PTPRJ: variants seen among roughly 807,000 people sequenced by gnomAD.
PTPRJ encodes protein tyrosine phosphatase receptor type J.
In PTPRJ, 129 loss-of-function variants were observed where a neutral mutation model predicts 141.3. The ratio of observed to expected loss-of-function variants is 0.91; its 90% CI spans 0.79 to 1.06. The LOEUF (loss-of-function observed/expected upper bound fraction) is 1.06. Among genes scored for constraint, PTPRJ ranks in the 50% least tolerant of loss-of-function variants. The probability of loss-of-function intolerance (pLI) is 0.00; values close to 1 mark genes in which losing one functional copy is unlikely to be tolerated. For synonymous variants in PTPRJ, 610 were observed against 640.5 expected (o/e 0.95, Z 0.72); for missense variants, 1,601 against 1,679.7 (o/e 0.95, Z 0.82).
At chr11:48,045,965 C>A (rs574989919) in intron 1 of PTPRJ, among the ~76,000 whole-genome samples, 2 of 152,262 alleles carry the variant, frequency 1.3e-5, no homozygotes, top group South Asian at 4.1e-4. Flanking sequence ...TTTGTGATGT[C>A]ATCTGTGCCT....
intron 1 of PTPRJ, among the ~76,000 whole-genome samples, chr11:48,078,350 G>A (rs1006177163): frequency 1.3e-5 from 2 of 152,166 alleles, no homozygotes; most frequent in Non-Finnish European, 2.9e-5. Flanking sequence ...GAGCCACCGT[G>A]CCCGGCCTGA....
In PTPRJ at chr11:48,128,193, A is replaced by T. The variant is rs371209097; in HGVS notation, c.1357+150A>T. 151 of 1,046,854 alleles carry T rather than the reference A, an allele frequency of 1.4e-4. 1 individual carries two copies. In the South Asian group the frequency reaches 1.5e-3, roughly 11 times the overall value. 64.8% of individuals were successfully genotyped at this position (1,046,854 alleles called of 1,614,324 possible). A position where few individuals can be genotyped will look rare whatever the true frequency, so the allele number is the denominator to read the frequency against. ...TGCTTTCCTTGCACTGGCACATTGT[A>T]TGCTCACAACAGCCCTGTGATGTGG... On this transcript the variant is annotated intron_variant, in intron 7 of 24. Coordinates refer to ENST00000418331, the MANE Select transcript of PTPRJ (RefSeq NM_002843.4).
At chr11:48,101,968 A>G (rs1398670229) in intron 1 of PTPRJ, among the ~76,000 whole-genome samples, 2 of 152,170 alleles carry the variant, frequency 1.3e-5, no homozygotes, top group Non-Finnish European at 2.9e-5. Context: ...TGTGCACATT[A>G]TTCACACCTG....
At chr11:48,152,207 G>A (rs1261775395) in intron 18 of PTPRJ, among the ~76,000 whole-genome samples, 1 of 152,030 alleles carries the variant, frequency 6.6e-6, no homozygotes, top group African/African-American at 2.4e-5. Flanking sequence ...GCGATGATGA[G>A]CATTTTTTCA....
intron 1 of PTPRJ, among the ~76,000 whole-genome samples, chr11:48,018,348 T>G (rs1855004738): frequency 6.6e-6 from 1 of 152,094 alleles, no homozygotes; most frequent in Non-Finnish European, 1.5e-5. Flanking sequence ...TGCTGCTGAA[T>G]GCAGATGAGA....
chr11:48,058,483 G>C (rs573299982), intron 1 of PTPRJ, among the ~76,000 whole-genome samples: 2 of 152,238 alleles, frequency 1.3e-5, no homozygotes, highest in East Asian at 3.9e-4. Context: ...AAAGTGCTAG[G>C]ATTACGGGTG....
chr11:48,130,445 C>G lies in PTPRJ; in HGVS notation c.1358-14C>G. On this transcript the variant is annotated splice_polypyrimidine_tract_variant and intron_variant, in intron 7 of 24. Transcript: ENST00000418331. ...AGTATATTTTTAATCTAGTTGTTTA[C>G]TTTCTTTGCATAGCCCCTGTTCCAG... The G allele has an allele frequency of 1.9e-6, 3 of 1,597,472 alleles. No individual in the cohort carries two copies. Among genetic ancestry groups the G allele is most frequent in the Non-Finnish European group, 2.6e-6 (3 of 1,169,942 alleles).
At chr11:48,085,960 G>A (rs1007167223) in intron 1 of PTPRJ, among the ~76,000 whole-genome samples, 3 of 152,098 alleles carry the variant, frequency 2.0e-5, no homozygotes, top group African/African-American at 7.2e-5. Flanking sequence ...CTGGCCCAGG[G>A]GTCTGGGGGT....
At chr11:48,066,533 T>C (rs953913190) in intron 1 of PTPRJ, among the ~76,000 whole-genome samples, 1 of 150,214 alleles carries the variant, frequency 6.7e-6, no homozygotes, top group East Asian at 2.0e-4. Flanking sequence ...CAGGGGCTGG[T>C]TTTATAGGAA....
At chr11:48,098,297 G>A (rs1856065953) in intron 1 of PTPRJ, among the ~76,000 whole-genome samples, 1 of 152,222 alleles carries the variant, frequency 6.6e-6, no homozygotes, top group South Asian at 2.1e-4. Context: ...GGTAGGAAGT[G>A]TGTGACTTCT....
intron 1 of PTPRJ, among the ~76,000 whole-genome samples, chr11:48,079,541 C>T (rs1855504401): frequency 6.6e-6 from 1 of 151,972 alleles, no homozygotes; most frequent in Non-Finnish European, 1.5e-5. Flanking sequence ...GCTGATGAAG[C>T]TGGACAAGAC....
At chr11:48,136,365 A>C in intron 9 of PTPRJ, 69 bp downstream of exon 9, 1 of 1,538,788 alleles carries the variant, frequency 6.5e-7, no homozygotes, top group Non-Finnish European at 8.8e-7. Context: ...GCACTGGTTA[A>C]ATGATGGCCA....
chr11:48,069,883 G>A (rs1475184913), intron 1 of PTPRJ, among the ~76,000 whole-genome samples: 5 of 152,198 alleles, frequency 3.3e-5, no homozygotes, highest in Non-Finnish European at 7.3e-5. Context: ...CAAGGAAACA[G>A]CTAATGTCGT....
intron 1 of PTPRJ, among the ~76,000 whole-genome samples, chr11:48,038,796 C>T (rs1419074360): frequency 6.7e-6 from 1 of 150,210 alleles, no homozygotes. Flanking sequence ...GGTGGAGTAG[C>T]CATTCTTTAT....
chr11:48,023,283 C>G (rs1169956928), intron 1 of PTPRJ, among the ~76,000 whole-genome samples: 4 of 152,178 alleles, frequency 2.6e-5, no homozygotes, highest in African/African-American at 9.7e-5. Context: ...CATATTCTTG[C>G]TACCTCTTCC....
intron 1 of PTPRJ, among the ~76,000 whole-genome samples, chr11:48,039,921 T>C (rs1394007168): frequency 6.6e-6 from 1 of 152,152 alleles, no homozygotes; most frequent in Non-Finnish European, 1.5e-5. Flanking sequence ...CCCCATTAGC[T>C]GGGAATACAG....
chr11:48,122,984 G>C (rs972883580), intron 4 of PTPRJ, among the ~76,000 whole-genome samples: 2 of 152,142 alleles, frequency 1.3e-5, no homozygotes, highest in African/African-American at 4.8e-5. Context: ...GGGTCTTCGT[G>C]TTCTTATTGG....
Position 48,139,617 on chromosome 11 carries a change from G to A in PTPRJ, c.2284G>A (p.Ala762Thr), listed in dbSNP as rs887210677. Residue 762 changes from alanine to threonine, a missense_variant, in exon 11 of 25, where the codon GCG becomes ACG. Physicochemically the swap from Ala to Thr is moderately conservative, Grantham distance 58. Coordinates refer to ENST00000418331, the MANE Select transcript of PTPRJ (RefSeq NM_002843.4). ...GGTCAGCAGTGGAGCCTGGAACAAT[G>A]CGACCCACCTGGAGAGCTGCTCCTC... is the stretch of plus-strand genomic sequence containing the variant. The part of the protein sequence containing the change: ...LEVSSGAWNN[A>T]THLESCSSEN... 3.7e-6 allele frequency: 6 copies of A among 1,614,140 alleles called. No homozygotes were observed. The highest frequency in any genetic ancestry group is 1.1e-5 in the South Asian group (1 of 91,092).
intron 1 of PTPRJ, among the ~76,000 whole-genome samples, chr11:48,013,488 A>G (rs1340415993): frequency 6.6e-6 from 1 of 152,206 alleles, no homozygotes; most frequent in East Asian, 1.9e-4. Context: ...GGAAGTGCTC[A>G]GTAAACATTT....
Sources: gnomAD v4.1 joint callset for allele counts (sites outside exome capture counted in the v4.1 genomes callset) on GRCh38, gnomAD v4.1.1 for gene constraint, MANE v1.5 for transcripts, NCBI Gene and HGNC (gene_info 2026-07-23, HGNC 2026-07-21) for gene names.